ARIH1: variants seen among roughly 807,000 people sequenced by gnomAD.
ARIH1 encodes the protein ariadne RBR E3 ubiquitin protein ligase 1.
In ARIH1, 8 loss-of-function variants were observed where a neutral mutation model predicts 85.0. That is an observed-to-expected ratio of 0.09 (90% CI 0.06 to 0.17). The LOEUF is 0.17. Among genes scored for constraint, ARIH1 ranks in the 10% least tolerant of loss-of-function variants. The pLI, the probability that ARIH1 is intolerant of heterozygous loss-of-function variation, is 1.00. For missense variants in ARIH1, 311 were observed against 718.1 expected, an observed-to-expected ratio of 0.43 and a Z score of 6.48; for synonymous variants, 238 against 253.6, an observed-to-expected ratio of 0.94 and a Z score of 0.59.
Position 72,474,849 on chromosome 15 carries a change from C to T in ARIH1, c.210C>T (p.Gly70=). The T allele has an allele frequency of 7.3e-7, 1 of 1,374,602 alleles. No homozygotes were observed. The highest frequency in any genetic ancestry group is 9.4e-7 in the Non-Finnish European group (1 of 1,064,894). The allele number at this position is 1,374,602 out of a possible 1,614,324, so 85.2% of individuals were successfully genotyped here. The change falls in exon 1 of 14, where the codon GGC becomes GGT. Residue 70 remains glycine, a synonymous_variant. Coordinates refer to ENST00000379887, the MANE Select transcript of ARIH1 (RefSeq NM_005744.5). ...GLLCGETGGG[G]GSALGPGGGG... is the part of the protein sequence containing the mutation. ...TGTGCGGGGAGACGGGCGGTGGCGGCGGCAGCGCTCTGGGGCCCGGCGGTG... is the reference window on the plus strand; with the variant it reads ...TGTGCGGGGAGACGGGCGGTGGCGGTGGCAGCGCTCTGGGGCCCGGCGGTG...
In ARIH1 at chr15:72,495,813, T is replaced by G. The variant is rs549464838; in HGVS notation, c.375+20799T>G. On this transcript the variant is annotated intron_variant, in intron 1 of 13. Transcript: ENST00000379887. ...GAATGTTGAGACATTGTTTTAAGGT[T>G]TGTTTTTTTAAAATAGCTTTTAGAA... is the stretch of plus-strand genomic sequence containing the variant. Among the ~76,000 whole-genome samples the G allele has an allele frequency of 1.1e-4, 16 of 152,320 alleles. No individual in the cohort carries two copies. In the South Asian group the frequency reaches 3.3e-3, roughly 32 times the overall value.
Position 72,534,959 on chromosome 15 carries a change from C to CTTT in ARIH1, c.444-9852_444-9850dup, listed in dbSNP as rs59841210. Among the ~76,000 whole-genome samples, 2 of 73,912 alleles carry CTTT rather than the reference C, an allele frequency of 2.7e-5. 1 individual carries two copies. Among genetic ancestry groups the CTTT allele is most frequent in the Non-Finnish European group, 7.0e-5 (2 of 28,460 alleles). The allele number at this position is 73,912 out of a possible 152,430, so 48.5% of individuals were successfully genotyped here. ...CCTATGTCTTCTTATTGTCTGTATT[C>CTTT]TTTTTTTTTTTGAGACGGAGTCTCG... is the stretch of plus-strand genomic sequence containing the variant. On this transcript the variant is annotated intron_variant, in intron 2 of 13. Coordinates refer to ENST00000379887, the MANE Select transcript of ARIH1 (RefSeq NM_005744.5).
At chr15:72,523,644 A>T (rs1387581227) in intron 2 of ARIH1, among the ~76,000 whole-genome samples, 1 of 151,986 alleles carries the variant, frequency 6.6e-6, no homozygotes, top group African/African-American at 2.4e-5. Context: ...CCTTATGTAA[A>T]CTACAGACTT....
In ARIH1 at chr15:72,577,587, C is replaced by T. The variant is rs2064277404; in HGVS notation, c.1216-3144C>T. ...ACTTGGGAAGATAAGGCAGGAGAAT[C>T]ACTTGAACCCTGGAGGTGGAGGTCG... On this transcript the variant is annotated intron_variant, in intron 11 of 13. Coordinates refer to ENST00000379887, the MANE Select transcript of ARIH1 (RefSeq NM_005744.5). Among the ~76,000 whole-genome samples the T allele has an allele frequency of 2.0e-5, 3 of 152,036 alleles. No homozygotes were observed. The South Asian group carries it at 6.2e-4, about 32-fold the overall frequency.
At chr15:72,489,288 A>G (rs1308688659) in intron 1 of ARIH1, among the ~76,000 whole-genome samples, 1 of 151,394 alleles carries the variant, frequency 6.6e-6, no homozygotes, top group Non-Finnish European at 1.5e-5. Context: ...AATCAGTTTA[A>G]TACAGTACTT....
At chr15:72,484,255 A>G (rs1399139055) in intron 1 of ARIH1, among the ~76,000 whole-genome samples, 5 of 151,924 alleles carry the variant, frequency 3.3e-5, no homozygotes, top group Non-Finnish European at 7.4e-5. Flanking sequence ...AATCCCACAT[A>G]TTCTTTTTTC....
At chr15:72,560,384 T>A (rs2064192685) in intron 5 of ARIH1, among the ~76,000 whole-genome samples, 1 of 152,218 alleles carries the variant, frequency 6.6e-6, no homozygotes, top group African/African-American at 2.4e-5. Context: ...AATACAGTAA[T>A]AGCGTCTAAT....
intron 2 of ARIH1, among the ~76,000 whole-genome samples, chr15:72,535,715 T>C (rs2064079025): frequency 6.6e-6 from 1 of 152,208 alleles, no homozygotes; most frequent in African/African-American, 2.4e-5. Context: ...AGTAGTGTGT[T>C]TTATTTTCTA....
intron 1 of ARIH1, among the ~76,000 whole-genome samples, chr15:72,494,173 A>C (rs551403969): frequency 1.3e-5 from 2 of 152,334 alleles, no homozygotes; most frequent in South Asian, 4.1e-4. Flanking sequence ...TAAATTGAGT[A>C]CTTGATTTAT....
At chr15:72,491,712 T>A (rs2063860275) in intron 1 of ARIH1, among the ~76,000 whole-genome samples, 1 of 152,212 alleles carries the variant, frequency 6.6e-6, no homozygotes, top group Non-Finnish European at 1.5e-5. Flanking sequence ...TCTTAACCAG[T>A]TATCTTACGG....
At chr15:72,557,564 T>C (rs1412324792) in intron 5 of ARIH1, among the ~76,000 whole-genome samples, 1 of 152,228 alleles carries the variant, frequency 6.6e-6, no homozygotes, top group African/African-American at 2.4e-5. Flanking sequence ...TAAGTCCCAC[T>C]TGTCAATTTT....
chr15:72,493,547 TTAC>T (rs1567338743), intron 1 of ARIH1, among the ~76,000 whole-genome samples: 1 of 152,212 alleles, frequency 6.6e-6, no homozygotes, highest in East Asian at 1.9e-4. Flanking sequence ...CATCTTGATA[TTAC>T]TATATTAATA....
chr15:72,479,211 G>T (rs974886234), intron 1 of ARIH1, among the ~76,000 whole-genome samples: 4 of 152,130 alleles, frequency 2.6e-5, no homozygotes, highest in Non-Finnish European at 2.9e-5. Context: ...GATGTTGATT[G>T]TAAGTATAAT....
rs933624588 is a variant in ARIH1 at position 72,594,120 on chromosome 15, T to G, written c.*10828T>G. 1.3e-5 allele frequency: 2 copies of G among 152,012 alleles called. No homozygotes were observed. Among genetic ancestry groups the G allele is most frequent in the Admixed American group, 1.3e-4 (2 of 15,278 alleles). The allele number at this position is 152,012 out of a possible 1,614,324, so 9.4% of individuals were successfully genotyped here. On this transcript the variant is annotated 3_prime_UTR_variant, in exon 14 of 14. Transcript: ENST00000379887. The stretch of plus-strand genomic sequence containing the variant: ...TGCTTATCTTACATTAGACTTTTTC[T>G]TAAGCATTTGATTTTTAAAATATTT...
chr15:72,562,667 C>G (rs2064202253), intron 6 of ARIH1, among the ~76,000 whole-genome samples: 1 of 151,152 alleles, frequency 6.6e-6, no homozygotes, highest in South Asian at 2.1e-4. Flanking sequence ...TATCCTTTAG[C>G]CTATCTTGAA....
At chr15:72,519,140 A>G (rs941253906) in intron 2 of ARIH1, among the ~76,000 whole-genome samples, 1 of 152,156 alleles carries the variant, frequency 6.6e-6, no homozygotes, top group South Asian at 2.1e-4. Flanking sequence ...TTCATTATCA[A>G]TTCTAAATTT....
chr15:72,569,934 G>C (rs1595872615), intron 9 of ARIH1, among the ~76,000 whole-genome samples: 1 of 152,200 alleles, frequency 6.6e-6, no homozygotes, highest in Middle Eastern at 3.4e-3. Flanking sequence ...GTGAGACTCT[G>C]TTTCTAAGTT....
chr15:72,534,515 G>A (rs2064072159), intron 2 of ARIH1, among the ~76,000 whole-genome samples: 4 of 152,108 alleles, frequency 2.6e-5, no homozygotes, highest in Admixed American at 2.6e-4. Flanking sequence ...AGTCTTAAAG[G>A]GAAGGTCCAT....
rs1055906771 is a variant in ARIH1, at chr15:72,596,727, T to C, written c.*13435T>C. On this transcript the variant is annotated 3_prime_UTR_variant, in exon 14 of 14. Transcript: ENST00000379887. ...CCAATGTTAACCTGTTAAACTTGTT[T>C]ATTGAATTCTCCATTTAAAAATTTT... The C allele has an allele frequency of 6.6e-6, 1 of 152,186 alleles. No individual in the cohort carries two copies. Among genetic ancestry groups the C allele is most frequent in the African/African-American group, 2.4e-5 (1 of 41,460 alleles). 9.4% of individuals were successfully genotyped at this position (152,186 alleles called of 1,614,324 possible). A position where few individuals can be genotyped will look rare whatever the true frequency, so the allele number is the denominator to read the frequency against.
Sources: allele counts gnomAD v4.1 joint callset (sites outside exome capture counted in the v4.1 genomes callset), GRCh38; gene constraint gnomAD v4.1.1; transcripts MANE v1.5; gene names NCBI Gene and HGNC (gene_info 2026-07-23, HGNC 2026-07-21).